Variants in CERS2 observed in about 807,000 individuals in gnomAD.
CERS2 encodes ceramide synthase 2.
CERS2 carries 20 observed loss-of-function variants against 56.6 expected under a neutral mutation model. The observed-to-expected ratio is 0.35, with a 90% CI of 0.25 to 0.51. The LOEUF (loss-of-function observed/expected upper bound fraction) is 0.51, where lower values mean the gene tolerates loss of function less well. CERS2 is among the 20% of genes least tolerant of loss of function. The pLI is 0.96. For missense variants in CERS2, 361 were observed against 488.6 expected (o/e 0.74, Z 2.46); for synonymous variants, 187 against 175.4 (o/e 1.07, Z -0.52).
intron 1 of CERS2, among the ~76,000 whole-genome samples, chr1:150,973,618 T>C (rs1671237812): frequency 6.6e-6 from 1 of 152,178 alleles, no homozygotes; most frequent in Non-Finnish European, 1.5e-5. Flanking sequence ...CCCCTTTACA[T>C]GTGCAGCCAC....
rs1671022058 is a variant in CERS2 at position 150,966,531 on chromosome 1, T to C, written c.947A>G (p.His316Arg). 3.1e-6 allele frequency: 5 copies of C among 1,614,126 alleles called. No homozygotes were observed. The highest frequency in any genetic ancestry group is 3.4e-6 in the Non-Finnish European group (4 of 1,180,030). ...NSMMGVLQLL[H>R]IFWAYLILRM... is the part of the protein sequence containing the mutation. ...CAAAATGAGGTAGGCCCAGAAGATA[T>C]GCAGCAGCTGTAGAACTCCCATCAT... Residue 316 changes from histidine to arginine, a missense_variant, in exon 10 of 11, where the codon CAT becomes CGT. Around this residue, in one of 3 missense-constraint regions of CERS2, gnomAD observed 122 missense variants for 151.9 expected, o/e 0.80. Transcript: ENST00000368954.
At chr1:150,973,507 G>A (rs1671234530) in intron 1 of CERS2, among the ~76,000 whole-genome samples, 1 of 152,214 alleles carries the variant, frequency 6.6e-6, no homozygotes, top group Admixed American at 6.5e-5. Flanking sequence ...GGGGACCAGG[G>A]GAGAAAAGGA....
chr1:150,966,700 A>G lies in CERS2; in HGVS notation c.848+56T>C. ...CACCGGGGAGATACAGGAGGGGAAG[A>G]AAGGCAAGGCTCCTGATTTCTTCAG... On this transcript the variant is annotated intron_variant, in intron 9 of 10. Transcript: ENST00000368954. The G allele has an allele frequency of 1.9e-6, 3 of 1,603,848 alleles. No homozygotes were observed. The Admixed American group carries it at 5.0e-5, about 27-fold the overall frequency.
chr1:150,967,312 C>T, intron 7 of CERS2, 80 bp downstream of exon 7: 2 of 1,434,022 alleles, frequency 1.4e-6, no homozygotes, highest in Non-Finnish European at 9.8e-7. Flanking sequence ...ATTCAGAGTA[C>T]CCAGAAGTCA....
In CERS2 at chr1:150,965,392, A is replaced by C. The variant is rs1670973549; in HGVS notation, c.*756T>G. On this transcript the variant is annotated 3_prime_UTR_variant, in exon 11 of 11. Transcript: ENST00000368954. ...ATTCTGGCTTTAAAACCAAAACCCC[A>C]AATATTTAATAAATAAAAATTAGAA... 1 of 152,582 alleles carries C rather than the reference A, an allele frequency of 6.6e-6. No individual in the cohort carries two copies. 9.5% of individuals were successfully genotyped at this position (152,582 alleles called of 1,614,324 possible). A position where few individuals can be genotyped will look rare whatever the true frequency, so the allele number is the denominator to read the frequency against.
At chr1:150,967,787 AC>A in intron 5 of CERS2, 32 bp downstream of exon 5, 1 of 1,609,392 alleles carries the variant, frequency 6.2e-7, no homozygotes, top group Non-Finnish European at 8.5e-7. Flanking sequence ...TTGCCAGAGA[AC>A]CTACTCCCAC....
chr1:150,967,302 A>T (rs587755637), intron 7 of CERS2, 90 bp downstream of exon 7: 2 of 1,445,894 alleles, frequency 1.4e-6, no homozygotes, highest in East Asian at 2.3e-5. Flanking sequence ...CAACAGCTCC[A>T]TTCAGAGTAC....
intron 1 of CERS2, among the ~76,000 whole-genome samples, chr1:150,973,503 CA>C (rs1265510529): frequency 2.0e-5 from 3 of 152,204 alleles, no homozygotes; most frequent in Non-Finnish European, 4.4e-5. Context: ...AGTGGGGGAC[CA>C]GGGGAGAAAA....
intron 1 of CERS2, among the ~76,000 whole-genome samples, chr1:150,972,431 G>A (rs991444258): frequency 2.0e-5 from 3 of 152,140 alleles, no homozygotes; most frequent in South Asian, 2.1e-4. Flanking sequence ...CAAAGAGTTG[G>A]GTCCCTGTGG....
At position 150,966,620 on chromosome 1, in the gene CERS2, A is replaced by G. The variant is rs767832307; in HGVS notation, c.858T>C (p.His286=). 1.4e-5 allele frequency: 22 copies of G among 1,613,854 alleles called. No homozygotes were observed. The highest frequency in any genetic ancestry group is 7.6e-6 in the Non-Finnish European group (9 of 1,179,976). The part of the protein sequence containing the change: ...RLVILPFWIL[H]CTLVYPLELY... ...GCTCCAGTGGGTACACCAGGGTGCAATGCAGGATCCTGAGGATTCAAGGAG... is the reference window on the plus strand; with the variant it reads ...GCTCCAGTGGGTACACCAGGGTGCAGTGCAGGATCCTGAGGATTCAAGGAG... Residue 286 remains histidine, a synonymous_variant, in exon 10 of 11, where the codon CAT becomes CAC. Transcript: ENST00000368954.
intron 5 of CERS2, 34 bp downstream of exon 5, chr1:150,967,786 A>G (rs768302356): frequency 1.2e-6 from 2 of 1,609,996 alleles, no homozygotes; most frequent in Non-Finnish European, 1.7e-6. Flanking sequence ...CTTGCCAGAG[A>G]ACCTACTCCC....
At chr1:150,967,234 T>C (rs1671049042) in intron 7 of CERS2, 32 bp from the exon 8 acceptor site, 1 of 1,611,718 alleles carries the variant, frequency 6.2e-7, no homozygotes, top group African/African-American at 1.3e-5. Context: ...CAGGGCCTTT[T>C]TTTATTCCCC....
chr1:150,967,950 T>G, intron 4 of CERS2, 73 bp from the exon 5 acceptor site: 1 of 1,395,402 alleles, frequency 7.2e-7, no homozygotes, highest in Non-Finnish European at 1.0e-6. Context: ...TACCTGCAGA[T>G]ACCCTCACAA....
chr1:150,974,745 G>GCGCCCGCCCTCGCCCTCCCTCCTC lies in CERS2; in HGVS notation c.-152_-129dup, dbSNP rs1553244443. ...CCCTCTTCCGCCCGCCCGCCGGCCCGCGCCCGCCCTCGCCCTCCCTCCTCC... is the reference window on the plus strand; with the variant it reads ...CCCTCTTCCGCCCGCCCGCCGGCCCGCGCCCGCCCTCGCCCTCCCTCCTCCGCCCGCCCTCGCCCTCCCTCCTCC... On this transcript the variant is annotated 5_prime_UTR_variant, in exon 1 of 11. Transcript: ENST00000368954. 1 of 150,788 alleles carries GCGCCCGCCCTCGCCCTCCCTCCTC rather than the reference G, an allele frequency of 6.6e-6. No homozygotes were observed. The highest frequency in any genetic ancestry group is 2.5e-5 in the African/African-American group (1 of 40,388). 9.3% of individuals were successfully genotyped at this position (150,788 alleles called of 1,614,324 possible).
chr1:150,970,973 A>AG (rs1209992595), intron 1 of CERS2, among the ~76,000 whole-genome samples: 6 of 152,208 alleles, frequency 3.9e-5, no homozygotes, highest in Non-Finnish European at 5.9e-5. Flanking sequence ...GGATACCCAG[A>AG]GGAGGGAGGG....
chr1:150,969,212 C>T (rs1020361260), intron 1 of CERS2, 121 bp from the exon 2 acceptor site: 19 of 781,554 alleles, frequency 2.4e-5, no homozygotes, highest in African/African-American at 3.5e-5. Context: ...ACTCTAGATC[C>T]CTATCCTGGC....
chr1:150,968,217 A>C lies in CERS2; in HGVS notation c.292-16T>G, dbSNP rs750442438. On this transcript the variant is annotated splice_polypyrimidine_tract_variant and intron_variant, in intron 3 of 10. Coordinates refer to ENST00000368954, the MANE Select transcript of CERS2 (RefSeq NM_022075.5). ...CTACTTCCACCTGGGCACAGTGAAG[A>C]AGCCCATTGTTATGTTTACCTTCGG... The C allele has an allele frequency of 6.2e-7, 1 of 1,606,404 alleles. No individual in the cohort carries two copies. Among genetic ancestry groups the C allele is most frequent in the East Asian group, 2.2e-5 (1 of 44,870 alleles).
At chr1:150,969,124 G>A (rs761708686) in intron 1 of CERS2, 33 bp from the exon 2 acceptor site, 3 of 1,597,102 alleles carry the variant, frequency 1.9e-6, no homozygotes, top group Non-Finnish European at 2.6e-6. Flanking sequence ...GGCATCAAGA[G>A]GGAGTAGCTA....
chr1:150,966,690 G>A, intron 9 of CERS2, 61 bp from the exon 10 acceptor site: 1 of 1,605,222 alleles, frequency 6.2e-7, no homozygotes, highest in Non-Finnish European at 8.5e-7. Context: ...GGGAGATACA[G>A]GAGGGGAAGA....
Sources: gnomAD v4.1 joint callset for allele counts (sites outside exome capture counted in the v4.1 genomes callset) on GRCh38, gnomAD v4.1.1 for gene constraint, gnomAD v4.1.1 regional missense constraint, MANE v1.5 for transcripts, NCBI Gene and HGNC (gene_info 2026-07-23, HGNC 2026-07-21) for gene names.